DFFB: variants seen among roughly 807,000 people sequenced by gnomAD.
DFFB encodes DNA fragmentation factor subunit beta.
In DFFB, 29 loss-of-function variants were observed where a neutral mutation model predicts 32.7. The observed-to-expected ratio is 0.89, with a 90% CI of 0.66 to 1.21. The LOEUF is 1.21. DFFB is among the 50% of genes most tolerant of loss of function. The pLI is 0.00. For missense variants in DFFB, 398 were observed against 440.6 expected (o/e 0.90, Z 0.87); for synonymous variants, 170 against 177.1 (o/e 0.96, Z 0.32).
At chr1:3,861,813 T>C (rs1040225986) in intron 2 of DFFB, among the ~76,000 whole-genome samples, 6 of 152,194 alleles carry the variant, frequency 3.9e-5, no homozygotes, top group Non-Finnish European at 7.3e-5. Flanking sequence ...GTGGTGTGTG[T>C]TTAGTTTCTG....
intron 5 of DFFB, among the ~76,000 whole-genome samples, chr1:3,871,435 C>T (rs900924672): frequency 1.6e-4 from 25 of 152,092 alleles, no homozygotes; most frequent in African/African-American, 4.3e-4. Flanking sequence ...TACAGGCGCC[C>T]GCCACCATGC....
chr1:3,864,091 C>T (rs1016686142), intron 2 of DFFB, among the ~76,000 whole-genome samples: 6 of 152,020 alleles, frequency 3.9e-5, no homozygotes, highest in African/African-American at 7.2e-5. Context: ...CTCAGCCTCC[C>T]GAGTAGCTGG....
At chr1:3,882,346 G>A (rs920414046) in intron 6 of DFFB, among the ~76,000 whole-genome samples, 2 of 151,732 alleles carry the variant, frequency 1.3e-5, no homozygotes, top group African/African-American at 2.4e-5. Flanking sequence ...GAGCCACCAC[G>A]CCTAGCCTCA....
chr1:3,872,631 T>TGACCCTGCCGC, intron 6 of DFFB, 59 bp downstream of exon 6: 1 of 1,397,724 alleles, frequency 7.2e-7, no homozygotes, highest in Non-Finnish European at 1.0e-6. Flanking sequence ...GTCCCTGCCG[T>TGACCCTGCCGC]GGCCCTGTCC....
intron 6 of DFFB, chr1:3,873,017 T>C: frequency 7.9e-7 from 1 of 1,269,264 alleles, no homozygotes; most frequent in Non-Finnish European, 1.0e-6. Flanking sequence ...CTTTTAGAGA[T>C]GGAGTCTTGC....
At chr1:3,868,094 G>C in intron 4 of DFFB, 41 bp downstream of exon 4, 1 of 1,577,250 alleles carries the variant, frequency 6.3e-7, no homozygotes, top group South Asian at 1.1e-5. Context: ...GCGGGTTTTT[G>C]AAGCCAGGCT....
chr1:3,876,044 C>T (rs1645215577), intron 6 of DFFB, among the ~76,000 whole-genome samples: 1 of 152,142 alleles, frequency 6.6e-6, no homozygotes, highest in Admixed American at 6.6e-5. Context: ...TTCCAAAGTG[C>T]TGAGATTATA....
At chr1:3,858,994 G>A in intron 2 of DFFB, 150 bp downstream of exon 2, 1 of 1,155,412 alleles carries the variant, frequency 8.7e-7, no homozygotes, top group Non-Finnish European at 1.2e-6. Context: ...AGGCAGAACT[G>A]GTCAGCGTCG....
chr1:3,869,821 G>A, intron 5 of DFFB, 46 bp downstream of exon 5: 1 of 1,540,006 alleles, frequency 6.5e-7, no homozygotes, highest in Admixed American at 2.0e-5. Context: ...CTGGCCTGTG[G>A]AACACAGCCC....
At chr1:3,862,496 A>G (rs1644896437) in intron 2 of DFFB, among the ~76,000 whole-genome samples, 1 of 152,248 alleles carries the variant, frequency 6.6e-6, no homozygotes, top group Admixed American at 6.5e-5. Flanking sequence ...CAAGACTGAC[A>G]CTGGTACAAG....
At chr1:3,871,307 G>A (rs1035076314) in intron 5 of DFFB, among the ~76,000 whole-genome samples, 15 of 151,912 alleles carry the variant, frequency 9.9e-5, no homozygotes, top group Non-Finnish European at 1.9e-4. Context: ...TTGTTTGTTT[G>A]AGACGAGTCT....
At chr1:3,872,129 T>C (rs534207335) in intron 5 of DFFB, among the ~76,000 whole-genome samples, 2 of 152,286 alleles carry the variant, frequency 1.3e-5, no homozygotes, top group South Asian at 2.1e-4. Flanking sequence ...GAGACTCACT[T>C]CTGGCCGGGC....
chr1:3,857,800 G>A (rs1443086903), intron 1 of DFFB, 83 bp downstream of exon 1: 1 of 1,059,916 alleles, frequency 9.4e-7, no homozygotes, highest in Non-Finnish European at 1.3e-6. Context: ...CTTCCAAAAC[G>A]GAGGGTGCAG....
chr1:3,872,427 A>AG (rs750043435), intron 5 of DFFB, 45 bp from the exon 6 acceptor site: 4 of 1,431,748 alleles, frequency 2.8e-6, no homozygotes, highest in Non-Finnish European at 3.9e-6. Flanking sequence ...AAAAAAAAAA[A>AG]GAGACTCACT....
chr1:3,868,367 G>A (rs890436137), intron 4 of DFFB, among the ~76,000 whole-genome samples: 3 of 152,052 alleles, frequency 2.0e-5, no homozygotes, highest in African/African-American at 7.2e-5. Flanking sequence ...GGCAGCAGTG[G>A]CAAGCGTCAC....
rs189043002 is a variant in DFFB, at chr1:3,871,091, G to A, written c.681+1316G>A. On this transcript the variant is annotated intron_variant, in intron 5 of 6. Transcript: ENST00000378209. ...CTGGAAAGGGAGCCTCTGGGACATG[G>A]GTCCTTGCTTCTCACGCGCTGGTCC... 7.3e-3 allele frequency among the ~76,000 whole-genome samples: 1,104 copies of A among 152,214 alleles called. 13 individuals are homozygous for A. Among genetic ancestry groups the A allele is most frequent in the African/African-American group, 0.025 (1,046 of 41,532 alleles).
At position 3,883,694 on chromosome 1, in the gene DFFB, C is replaced by T; in HGVS notation, c.970C>T (p.Pro324Ser). 1 of 1,614,068 alleles carries T rather than the reference C, an allele frequency of 6.2e-7. No individual in the cohort carries two copies. The highest frequency in any genetic ancestry group is 8.5e-7 in the Non-Finnish European group (1 of 1,180,004). Residue 324 changes from proline to serine, a missense_variant, in exon 7 of 7, where the codon CCC becomes TCC. Pro to Ser is a moderately conservative substitution (Grantham distance 74). Transcript: ENST00000378209. ...LNCDPSRIYK[P>S]QTRLKRKQPV... ...CTGTGACCCAAGCAGAATCTACAAA[C>T]CCCAGACAAGGTTGAAGCGGAAGCA...
At chr1:3,872,714 C>T (rs748605371) in intron 6 of DFFB, 142 bp downstream of exon 6, 5 of 787,094 alleles carry the variant, frequency 6.4e-6, no homozygotes, top group African/African-American at 1.7e-5. Context: ...AAGGGCTGCA[C>T]CCGTGTTACA....
intron 2 of DFFB, among the ~76,000 whole-genome samples, chr1:3,862,624 G>A (rs1644900244): frequency 6.6e-6 from 1 of 152,142 alleles, no homozygotes; most frequent in African/African-American, 2.4e-5. Flanking sequence ...AGATAGTGCT[G>A]GGACAACTGT....
Sources: gnomAD v4.1 joint callset for allele counts (sites outside exome capture counted in the v4.1 genomes callset) on GRCh38, gnomAD v4.1.1 for gene constraint, MANE v1.5 for transcripts, NCBI Gene and HGNC (gene_info 2026-07-23, HGNC 2026-07-21) for gene names.